Variants in NAV2 observed in about 807,000 individuals in gnomAD.
NAV2 encodes the protein neuron navigator 2, also known as helicase, APC down-regulated 1.
Under a neutral mutation model 223.2 loss-of-function variants are expected in NAV2, and 54 were observed. The observed-to-expected ratio is 0.24, with a 90% CI of 0.19 to 0.30. The LOEUF (loss-of-function observed/expected upper bound fraction) is 0.30. NAV2 is among the 10% of genes least tolerant of loss of function. NAV2 has a pLI of 1.00. For synonymous variants in NAV2, 1,279 were observed against 1,239.3 expected, an observed-to-expected ratio of 1.03 and a Z score of -0.67; for missense variants, 2,806 against 3,147.5, an observed-to-expected ratio of 0.89 and a Z score of 2.60.
At chr11:19,711,748 G>A (rs1340080112), upstream of NAV2, 2 of 152,200 alleles carry the variant, frequency 1.3e-5, no homozygotes, top group Non-Finnish European at 2.9e-5. Context: ...GGAAAATAAA[G>A]CCCAGCTTTT....
intron 1 of NAV2, among the ~76,000 whole-genome samples, chr11:19,765,148 CTCCAGTGACTTTTATT>C (rs1565277521): frequency 6.6e-6 from 1 of 152,152 alleles, no homozygotes; most frequent in South Asian, 2.1e-4. Context: ...GCTTAGGACC[CTCCAGTGACTTTTATT>C]TCCAGTGACT....
intron 1 of NAV2, among the ~76,000 whole-genome samples, chr11:19,669,329 G>C (rs1419344530): frequency 6.6e-6 from 1 of 152,172 alleles, no homozygotes; most frequent in Admixed American, 6.5e-5. Flanking sequence ...AGCCTCAGAT[G>C]GCCTTTCTCA....
intron 1 of NAV2, among the ~76,000 whole-genome samples, chr11:19,617,418 T>C (rs1197137028): frequency 2.0e-5 from 3 of 152,152 alleles, no homozygotes; most frequent in Non-Finnish European, 4.4e-5. Flanking sequence ...GTATATCAGC[T>C]ATTAACTGTC....
chr11:19,424,087 C>CA (rs144207094), intron 1 of NAV2, among the ~76,000 whole-genome samples: 1,910 of 152,288 alleles, frequency 0.013, 40 homozygotes, highest in African/African-American at 0.044. Flanking sequence ...AGAATTTTAG[C>CA]TATTCTTTGT....
At chr11:19,693,591 T>C (rs1057106064) in intron 1 of NAV2, among the ~76,000 whole-genome samples, 6 of 152,274 alleles carry the variant, frequency 3.9e-5, no homozygotes, top group African/African-American at 1.4e-4. Flanking sequence ...TTCCTATTTA[T>C]GATCTGGTCC....
intron 1 of NAV2, among the ~76,000 whole-genome samples, chr11:19,683,623 C>T (rs2048936579): frequency 6.6e-6 from 1 of 152,236 alleles, no homozygotes; most frequent in Non-Finnish European, 1.5e-5. Context: ...GCACTGTGGT[C>T]CCCACTGCCT....
intron 6 of NAV2, among the ~76,000 whole-genome samples, chr11:19,920,652 T>C (rs1480867560): frequency 6.6e-6 from 1 of 152,138 alleles, no homozygotes; most frequent in Non-Finnish European, 1.5e-5. Context: ...AAAGTACTAG[T>C]TATTAGTATT....
chr11:19,925,048 T>C (rs778100960), intron 6 of NAV2, among the ~76,000 whole-genome samples: 2 of 152,228 alleles, frequency 1.3e-5, no homozygotes, highest in Non-Finnish European at 2.9e-5. Context: ...TAGTGATGTT[T>C]AATGTCTTTC....
intron 1 of NAV2, among the ~76,000 whole-genome samples, chr11:19,383,848 G>A (rs1356358127): frequency 6.6e-6 from 1 of 152,176 alleles, no homozygotes; most frequent in Non-Finnish European, 1.5e-5. Flanking sequence ...AAACCTAAAT[G>A]TTTGTATTCC....
chr11:19,465,149 T>C (rs752847440), intron 1 of NAV2, among the ~76,000 whole-genome samples: 28 of 152,148 alleles, frequency 1.8e-4, no homozygotes, highest in Non-Finnish European at 2.6e-4. Context: ...TGGGAAACCA[T>C]CTGTGAAGGG....
At chr11:19,614,288 C>T (rs112624573) in intron 1 of NAV2, among the ~76,000 whole-genome samples, 96 of 152,258 alleles carry the variant, frequency 6.3e-4, no homozygotes, top group South Asian at 1.7e-3. Context: ...AGCCTAGTTC[C>T]GCGAGACACC....
At chr11:19,955,554 A>G (rs973724003) in intron 10 of NAV2, among the ~76,000 whole-genome samples, 3 of 152,180 alleles carry the variant, frequency 2.0e-5, no homozygotes, top group African/African-American at 7.2e-5. Context: ...ACTGCCTCTA[A>G]CCCTGTGAGC....
rs536091061 is a variant in NAV2 at position 19,546,994 on chromosome 11, C to T, written c.75+195967C>T. Among the ~76,000 whole-genome samples, 65 of 152,332 alleles carry T rather than the reference C, an allele frequency of 4.3e-4. 1 individual carries two copies. The South Asian group carries it at 5.0e-3, about 12-fold the overall frequency. On this transcript the variant is annotated intron_variant, in intron 1 of 37. Coordinates refer to the NAV2 transcript ENST00000360655. ...GATTCTGGAAGCTCAGATGTAGCCT[C>T]TTTACTGCTCTTCAGAATGGCAGGC...
chr11:19,946,242 C>G (rs190547312), intron 8 of NAV2, among the ~76,000 whole-genome samples, 159 bp from the exon 9 acceptor site: 77 of 152,354 alleles, frequency 5.1e-4, no homozygotes, highest in African/African-American at 1.4e-3. Context: ...ATTCACACTT[C>G]CATTCAATCA....
At chr11:19,637,400 T>C (rs531333330) in intron 1 of NAV2, among the ~76,000 whole-genome samples, 1 of 152,296 alleles carries the variant, frequency 6.6e-6, no homozygotes, top group African/African-American at 2.4e-5. Flanking sequence ...TCTGAGCTCA[T>C]GAATCCCTGA....
Position 19,476,983 on chromosome 11 carries a change from G to A in NAV2, c.75+125956G>A, listed in dbSNP as rs145504791. On this transcript the variant is annotated intron_variant, in intron 1 of 37. Transcript: ENST00000360655. ...TCATGGCCCCCTCAGGTGTCAGGTGGGAGGCTTAAAGGAGAGGGGTTATCA... is the reference window on the plus strand; with the variant it reads ...TCATGGCCCCCTCAGGTGTCAGGTGAGAGGCTTAAAGGAGAGGGGTTATCA... Among the ~76,000 whole-genome samples, 685 of 152,260 alleles carry A rather than the reference G, an allele frequency of 4.5e-3. 8 individuals carry two copies. The highest frequency in any genetic ancestry group is 0.016 in the African/African-American group (646 of 41,530).
At chr11:19,512,628 T>C (rs543813795) in intron 1 of NAV2, among the ~76,000 whole-genome samples, 2 of 152,302 alleles carry the variant, frequency 1.3e-5, no homozygotes, top group African/African-American at 4.8e-5. Flanking sequence ...AAATGACTAA[T>C]TGGAATTGCT....
At chr11:19,534,203 A>G (rs532060451) in intron 1 of NAV2, among the ~76,000 whole-genome samples, 3 of 151,818 alleles carry the variant, frequency 2.0e-5, no homozygotes, top group African/African-American at 7.3e-5. Context: ...GTGTTGGCCA[A>G]CCCCTGGTAG....
chr11:19,975,058 T>C (rs1242071910), intron 10 of NAV2, among the ~76,000 whole-genome samples: 1 of 152,206 alleles, frequency 6.6e-6, no homozygotes, highest in East Asian at 1.9e-4. Context: ...AGAAAGAGCT[T>C]AAAGGGGCTT....
Sources: allele counts gnomAD v4.1 joint callset (sites outside exome capture counted in the v4.1 genomes callset), GRCh38; gene constraint gnomAD v4.1.1; transcripts MANE v1.5; gene names NCBI Gene and HGNC (gene_info 2026-07-23, HGNC 2026-07-21).